The following CADM3 variants were observed in gnomAD, a reference collection of about 807,000 sequenced individuals.
CADM3 encodes the protein cell adhesion molecule 3.
A neutral mutation model predicts 44.9 loss-of-function variants in CADM3; 11 were observed. The observed-to-expected ratio is 0.25, with a 90% confidence interval of 0.15 to 0.41. The LOEUF is 0.41. Among genes scored for constraint, CADM3 ranks in the 10% least tolerant of loss-of-function variants. The pLI is 1.00. For missense variants in CADM3, 426 were observed against 512.0 expected (o/e 0.83, Z 1.62); for synonymous variants, 207 against 205.2 (o/e 1.01, Z -0.08).
intron 8 of CADM3, 28 bp from the exon 9 acceptor site, chr1:159,200,776 G>C (rs1358420549): frequency 6.6e-7 from 1 of 1,524,012 alleles, no homozygotes; most frequent in Admixed American, 1.9e-5. Context: ...AGCTGCTCCT[G>C]AGAGGAGAAG....
In CADM3 at chr1:159,200,881, G is replaced by A. The variant is rs768373502; in HGVS notation, c.1156G>A (p.Gly386Arg). Residue 386 changes from glycine (G) to arginine (R), a missense_variant, in exon 9 of 9, where the codon GGG (glycine) becomes AGG (arginine). This residue lies in a region of CADM3 where 362 missense variants were observed against 474.6 expected (regional missense o/e 0.76). Transcript: ENST00000368125. ...CACGGCCATCATCAATGCAGAAGGC[G>A]GGCAGTCAGGAGGGGACGACAAGAA... ...ADTAIINAEG[G>R]QSGGDDKKEY... 2.8e-5 allele frequency: 45 copies of A among 1,609,654 alleles called. No homozygotes were observed. Among genetic ancestry groups the A allele is most frequent in the East Asian group, 1.1e-4 (5 of 44,472 alleles).
chr1:159,193,528 T>C lies in CADM3; in HGVS notation c.488T>C (p.Leu163Pro). The C allele has an allele frequency of 6.2e-7, 1 of 1,614,056 alleles. No homozygotes were observed. Residue 163 changes from leucine to proline, a missense_variant, in exon 4 of 9, where the codon CTC becomes CCC. By Grantham distance (98) the Leu-to-Pro change is moderately conservative (BLOSUM62 -3). This residue lies in a region of CADM3 where 362 missense variants were observed against 474.6 expected (regional missense o/e 0.76). Coordinates refer to ENST00000368125, the MANE Select transcript of CADM3 (RefSeq NM_001127173.3). ...TCTGGGAGCAAGCCTGCAGCCCGGC[T>C]CACCTGGAGAAAGGGTGACCAAGAA... Reference protein sequence around the residue: ...QSSGSKPAARLTWRKGDQELH... With the variant: ...QSSGSKPAARPTWRKGDQELH...
intron 5 of CADM3, 99 bp downstream of exon 5, chr1:159,194,139 T>C: frequency 7.9e-7 from 1 of 1,264,372 alleles, no homozygotes; most frequent in East Asian, 2.4e-5. Flanking sequence ...CACGCACAGT[T>C]AAGTGAATAG....
At position 159,196,995 on chromosome 1, in the gene CADM3, C is replaced by T. The variant is rs1376448672; in HGVS notation, c.887C>T (p.Thr296Ile). Reference protein sequence around the residue: ...FPFLNKSDSGTYGCTATSNMG... With the variant: ...FPFLNKSDSGIYGCTATSNMG... ...TTCCTCAACAAGAGTGACAGTGGCACCTACGGCTGCACAGCCACCAGCAAC... is the reference window on the plus strand; with the variant it reads ...TTCCTCAACAAGAGTGACAGTGGCATCTACGGCTGCACAGCCACCAGCAAC... The change falls in exon 7 of 9, where the codon ACC becomes ATC. Residue 296 changes from threonine (T) to isoleucine (I), a missense_variant. Transcript: ENST00000368125. The T allele has an allele frequency of 3.5e-5, 56 of 1,614,006 alleles. No individual in the cohort carries two copies. Among genetic ancestry groups the T allele is most frequent in the Non-Finnish European group, 4.7e-5 (55 of 1,180,022 alleles).
At position 159,200,927 on chromosome 1, in the gene CADM3, G is replaced by A. The variant is rs376885374; in HGVS notation, c.*5G>A. The A allele has an allele frequency of 5.7e-5, 90 of 1,586,074 alleles. No homozygotes were observed. Among genetic ancestry groups the A allele is most frequent in the Non-Finnish European group, 7.0e-5 (81 of 1,164,982 alleles). ...AAGAAGGAATATTTCATCTAGAGGC[G>A]CCTGCCCACTTCCTGCGCCCCCCAG... is the stretch of plus-strand genomic sequence containing the variant. On this transcript the variant is annotated 3_prime_UTR_variant, in exon 9 of 9. Transcript: ENST00000368125.
In CADM3 at chr1:159,171,832, G is replaced by A. The variant is rs1406726592; in HGVS notation, c.67G>A (p.Gly23Arg). 8.0e-7 allele frequency: 1 copy of A among 1,245,448 alleles called. No individual in the cohort carries two copies. The highest frequency in any genetic ancestry group is 1.0e-6 in the Non-Finnish European group (1 of 993,348). 77.1% of individuals were successfully genotyped at this position (1,245,448 alleles called of 1,614,324 possible). A position where few individuals can be genotyped will look rare whatever the true frequency, so the allele number is the denominator to read the frequency against. ...LLFACCWAPG[G>R]ANLSQDDSQP... Reference sequence around the variant, plus strand: ...GTTCGCCTGCTGCTGGGCGCCCGGCGGGGCCAACCTCTCCCAGGACGGTGA... The same window carrying A: ...GTTCGCCTGCTGCTGGGCGCCCGGCAGGGCCAACCTCTCCCAGGACGGTGA... The change falls in exon 1 of 9, where the codon GGG becomes AGG. Residue 23 changes from glycine to arginine, a missense_variant. Coordinates refer to ENST00000368125, the MANE Select transcript of CADM3 (RefSeq NM_001127173.3).
rs376826683 is a variant in CADM3 at position 159,191,999 on chromosome 1, A to G, written c.152A>G (p.Gln51Arg). ...GGTGGCACCGTGGTGCTCAAGTGCC[A>G]AGTGAAAGATCACGAGGACTCATCC... ...VAGGTVVLKC[Q>R]VKDHEDSSLQ... Residue 51 changes from glutamine (Q) to arginine (R), a missense_variant, in exon 2 of 9, where the codon CAA becomes CGA. Physicochemically the swap from Gln to Arg is conservative, Grantham distance 43. Transcript: ENST00000368125. 2.9e-5 allele frequency: 47 copies of G among 1,614,036 alleles called. No individual in the cohort carries two copies. Among genetic ancestry groups the G allele is most frequent in the Non-Finnish European group, 4.0e-5 (47 of 1,180,018 alleles).
chr1:159,200,734 G>C, intron 8 of CADM3, 70 bp from the exon 9 acceptor site: 1 of 1,156,262 alleles, frequency 8.6e-7, no homozygotes, highest in Non-Finnish European at 1.2e-6. Context: ...GGGTGGGTGA[G>C]AAAGTGGGCA....
intron 1 of CADM3, among the ~76,000 whole-genome samples, chr1:159,176,395 C>T (rs1285190558): frequency 6.6e-6 from 1 of 152,018 alleles, no homozygotes; most frequent in Non-Finnish European, 1.5e-5. Flanking sequence ...AATAGCAATC[C>T]CCATGGAAAT....
At chr1:159,177,664 GA>G (rs1440062928) in intron 1 of CADM3, among the ~76,000 whole-genome samples, 1 of 152,088 alleles carries the variant, frequency 6.6e-6, no homozygotes, top group African/African-American at 2.4e-5. Context: ...ACAAAACTCT[GA>G]GATATAGATC....
At position 159,203,301 on chromosome 1, in the gene CADM3, ACT is replaced by A. The variant is rs1650311743; in HGVS notation, c.*2382_*2383del. 2 of 151,712 alleles carry A rather than the reference ACT, an allele frequency of 1.3e-5. No individual in the cohort carries two copies. Among genetic ancestry groups the A allele is most frequent in the Non-Finnish European group, 2.9e-5 (2 of 67,932 alleles). The allele number at this position is 151,712 out of a possible 1,614,324, so 9.4% of individuals were successfully genotyped here. ...AATATCTATGTACAGCAACAATATA[ACT>A]CTACAAGGGAGAGAAGTGTGTTCAC... On this transcript the variant is annotated 3_prime_UTR_variant, in exon 9 of 9. Transcript: ENST00000368125.
At chr1:159,196,038 T>G in intron 5 of CADM3, 1 of 233,624 alleles carries the variant, frequency 4.3e-6, no homozygotes, top group Non-Finnish European at 8.4e-6. Context: ...AAAAAATATG[T>G]ATTAGGTCTT....
intron 1 of CADM3, among the ~76,000 whole-genome samples, chr1:159,178,139 C>T (rs978057038): frequency 7.9e-5 from 12 of 152,104 alleles, no homozygotes; most frequent in Middle Eastern, 3.2e-3. Flanking sequence ...TAGGCAATAA[C>T]GACAGGGGAA....
At chr1:159,176,748 G>C (rs902198505) in intron 1 of CADM3, among the ~76,000 whole-genome samples, 1 of 152,182 alleles carries the variant, frequency 6.6e-6, no homozygotes, top group Non-Finnish European at 1.5e-5. Context: ...TGAATCTGTT[G>C]AGATTTTTAC....
At chr1:159,180,156 G>C (rs891578107) in intron 1 of CADM3, among the ~76,000 whole-genome samples, 1 of 152,076 alleles carries the variant, frequency 6.6e-6, no homozygotes, top group African/African-American at 2.4e-5. Context: ...TTCTGCTTTG[G>C]GGAGAATCTC....
chr1:159,179,682 C>A (rs1027862771), intron 1 of CADM3, among the ~76,000 whole-genome samples: 13 of 152,146 alleles, frequency 8.5e-5, no homozygotes, highest in Non-Finnish European at 1.5e-4. Flanking sequence ...ATTCTGATTT[C>A]AGTAAGTATA....
intron 1 of CADM3, among the ~76,000 whole-genome samples, chr1:159,177,366 T>C (rs1649062669): frequency 6.6e-6 from 1 of 152,134 alleles, no homozygotes; most frequent in Non-Finnish European, 1.5e-5. Context: ...GTTCTTTTAG[T>C]TCCTGTGCTT....
rs1233658921 is a variant in CADM3 at position 159,188,293 on chromosome 1, CCCCTCCTCTTCT to C, written c.89-3636_89-3625del. On this transcript the variant is annotated intron_variant, in intron 1 of 8. Coordinates refer to ENST00000368125, the MANE Select transcript of CADM3 (RefSeq NM_001127173.3). ...CTCTCCACCCCCTCTTTATCCTGTACCCCTCCTCTTCTCCCTCCCCTCTCCCCTCTCCTCTCG... is the reference window on the plus strand; with the variant it reads ...CTCTCCACCCCCTCTTTATCCTGTACCCCTCCCCTCTCCCCTCTCCTCTCG... Among the ~76,000 whole-genome samples the C allele has an allele frequency of 5.3e-5, 8 of 150,076 alleles. No individual in the cohort carries two copies. In the East Asian group the frequency reaches 1.6e-3, roughly 30 times the overall value.
chr1:159,183,237 C>T (rs549378368), intron 1 of CADM3, among the ~76,000 whole-genome samples: 9 of 152,150 alleles, frequency 5.9e-5, no homozygotes, highest in Non-Finnish European at 1.2e-4. Context: ...CCAGGCTTTA[C>T]CAAGCTAAGC....
Sources: allele counts gnomAD v4.1 joint callset (sites outside exome capture counted in the v4.1 genomes callset), GRCh38; gene constraint gnomAD v4.1.1; regional missense constraint gnomAD v4.1.1; transcripts MANE v1.5; gene names NCBI Gene and HGNC (gene_info 2026-07-23, HGNC 2026-07-21).